NPHP1: variants seen among roughly 807,000 people sequenced by gnomAD.
The protein encoded by NPHP1 is nephrocystin-1.
Under a neutral mutation model 90.4 loss-of-function variants are expected in NPHP1, and 70 were observed. The observed-to-expected ratio is 0.77, with a 90% CI of 0.64 to 0.95. The LOEUF (loss-of-function observed/expected upper bound fraction) is 0.95. Among genes scored for constraint, NPHP1 ranks in the 40% least tolerant of loss-of-function variants. The pLI is 0.00. For missense variants in NPHP1, 764 were observed against 795.9 expected (o/e 0.96, Z 0.48); for synonymous variants, 256 against 271.7 (o/e 0.94, Z 0.57).
At chr2:110,196,714 T>C (rs1259980273) in intron 2 of NPHP1, among the ~76,000 whole-genome samples, 1 of 152,192 alleles carries the variant, frequency 6.6e-6, no homozygotes, top group African/African-American at 2.4e-5. Flanking sequence ...CATATGTTTA[T>C]TGTGGCACTA....
At chr2:110,135,479 A>T (rs1203279730) in intron 16 of NPHP1, among the ~76,000 whole-genome samples, 1 of 146,554 alleles carries the variant, frequency 6.8e-6, no homozygotes, top group African/African-American at 2.5e-5. Flanking sequence ...CCCGTCTCAA[A>T]AAAAAAAAAA....
intron 8 of NPHP1, 174 bp from the exon 9 acceptor site, chr2:110,163,309 C>T: frequency 1.6e-6 from 1 of 617,914 alleles, no homozygotes; most frequent in Non-Finnish European, 2.9e-6. Context: ...TCACAGCACC[C>T]TGGCCTCTCC....
intron 4 of NPHP1, among the ~76,000 whole-genome samples, chr2:110,172,600 G>A (rs182593338): frequency 2.6e-5 from 4 of 152,190 alleles, no homozygotes; most frequent in Admixed American, 2.6e-4. Flanking sequence ...GAGCAATATA[G>A]TGAGACCCTG....
chr2:110,185,285 T>C (rs1684209378), intron 2 of NPHP1: 3 of 443,350 alleles, frequency 6.8e-6, no homozygotes, highest in African/African-American at 4.0e-5. Flanking sequence ...TGTGAGTGCA[T>C]GTGTGTATAC....
At chr2:110,151,162 T>G (rs2104509530) in intron 11 of NPHP1, among the ~76,000 whole-genome samples, 2 of 68,508 alleles carry the variant, frequency 2.9e-5, no homozygotes, top group Middle Eastern at 0.011. Flanking sequence ...CAAGATTCAG[T>G]CTCAAGAAAA....
At chr2:110,178,129 G>A (rs1683634936) in intron 4 of NPHP1, 3 of 462,550 alleles carry the variant, frequency 6.5e-6, no homozygotes, top group Non-Finnish European at 1.1e-5. Flanking sequence ...CATCAACATT[G>A]ACATTAAATA....
In NPHP1 at chr2:110,191,235, C is replaced by G. The variant is rs373381282; in HGVS notation, c.143+10186G>C. On this transcript the variant is annotated intron_variant, in intron 2 of 19. Transcript: ENST00000445609. ...GCGAGGCATTGCCTCACCCGGGAAG[C>G]ACAAGGGACAAGGGAATTCCCTTTC... Among the ~76,000 whole-genome samples, 16 of 152,250 alleles carry G rather than the reference C, an allele frequency of 1.1e-4. No homozygotes were observed. The East Asian group carries it at 1.2e-3, about 11-fold the overall frequency.
chr2:110,201,520 A>G (rs1182377738), intron 1 of NPHP1, 26 bp from the exon 2 acceptor site: 2 of 1,475,120 alleles, frequency 1.4e-6, no homozygotes, highest in Non-Finnish European at 1.9e-6. Context: ...AAAATATCAC[A>G]TTATTAAATA....
chr2:110,150,929 G>A (rs1681420232), intron 11 of NPHP1, among the ~76,000 whole-genome samples: 1 of 150,658 alleles, frequency 6.6e-6, no homozygotes, highest in South Asian at 2.1e-4. Flanking sequence ...ACTTTGGGAG[G>A]TTGAGGCAGG....
intron 16 of NPHP1, among the ~76,000 whole-genome samples, chr2:110,133,201 G>C (rs540868932): frequency 2.4e-4 from 37 of 151,968 alleles, no homozygotes; most frequent in South Asian, 8.3e-4. Flanking sequence ...GGTAGAAAGT[G>C]AAAGAACAGA....
intron 4 of NPHP1, among the ~76,000 whole-genome samples, chr2:110,177,310 T>A (rs934637989): frequency 6.6e-6 from 1 of 152,178 alleles, no homozygotes; most frequent in Non-Finnish European, 1.5e-5. Context: ...GATCCTTGCA[T>A]CTACCACCTT....
chr2:110,201,254 A>G (rs1685558669), intron 2 of NPHP1, among the ~76,000 whole-genome samples, 167 bp downstream of exon 2: 1 of 152,180 alleles, frequency 6.6e-6, no homozygotes, highest in African/African-American at 2.4e-5. Flanking sequence ...CTGTCACAAC[A>G]GCAAGTCCGC....
At chr2:110,169,706 A>G in intron 5 of NPHP1, 100 bp downstream of exon 5, 1 of 801,452 alleles carries the variant, frequency 1.2e-6, no homozygotes. Flanking sequence ...ATAAAACTGC[A>G]TTTTAAGAAT....
chr2:110,199,015 C>T lies in NPHP1; in HGVS notation c.143+2406G>A, dbSNP rs552858451. The stretch of plus-strand genomic sequence containing the variant: ...AGACAATTCAGAGAACAGAAGAGAA[C>T]TTAAGGAGAAAAAAAAAGCCTCCTA... On this transcript the variant is annotated intron_variant, in intron 2 of 19. Coordinates refer to ENST00000445609, the MANE Select transcript of NPHP1 (RefSeq NM_001128178.3). 3.5e-4 allele frequency among the ~76,000 whole-genome samples: 53 copies of T among 151,278 alleles called. No individual in the cohort carries two copies. In the Middle Eastern group the frequency reaches 0.014, roughly 39 times the overall value.
At chr2:110,165,560 G>A (rs1682670842) in intron 6 of NPHP1, among the ~76,000 whole-genome samples, 1 of 151,990 alleles carries the variant, frequency 6.6e-6, no homozygotes, top group Admixed American at 6.6e-5. Flanking sequence ...TTCCAATCAT[G>A]ATACAAAATC....
chr2:110,144,422 TG>T, intron 15 of NPHP1, 70 bp downstream of exon 15: 1 of 951,012 alleles, frequency 1.1e-6, no homozygotes. Flanking sequence ...CTTATTAGAA[TG>T]TAGCTACCTC....
At chr2:110,125,479 T>A (rs1679283464) in intron 19 of NPHP1, 158 bp downstream of exon 19, 2 of 1,120,172 alleles carry the variant, frequency 1.8e-6, no homozygotes, top group Non-Finnish European at 1.3e-6. Context: ...TGCGTAACCC[T>A]CTTGGAATGT....
chr2:110,190,589 C>T (rs767026177), intron 2 of NPHP1, among the ~76,000 whole-genome samples: 13 of 152,192 alleles, frequency 8.5e-5, no homozygotes, highest in Non-Finnish European at 1.6e-4. Context: ...CACACCTCCT[C>T]GCAAGCTGAG....
At position 110,198,270 on chromosome 2, in the gene NPHP1, A is replaced by G. The variant is rs1033891179; in HGVS notation, c.143+3151T>C. 4.6e-5 allele frequency among the ~76,000 whole-genome samples: 7 copies of G among 152,316 alleles called. 1 individual carries two copies. The highest frequency in any genetic ancestry group is 6.8e-3 in the Middle Eastern group (2 of 294). On this transcript the variant is annotated intron_variant, in intron 2 of 19. Coordinates refer to ENST00000445609, the MANE Select transcript of NPHP1 (RefSeq NM_001128178.3). ...TAAAGGACCAAAGGTTAACTAAACT[A>G]AATCATAGAGGGACACATTATGAAA...
Sources: allele counts gnomAD v4.1 joint callset (sites outside exome capture counted in the v4.1 genomes callset), GRCh38; gene constraint gnomAD v4.1.1; transcripts MANE v1.5; gene names NCBI Gene and HGNC (gene_info 2026-07-23, HGNC 2026-07-21).